The following FGF12 variants were observed in gnomAD, a reference collection of about 807,000 sequenced individuals.
FGF12 encodes the protein fibroblast growth factor 12B.
In FGF12, 14 loss-of-function variants were observed where a neutral mutation model predicts 23.6. That is an observed-to-expected ratio of 0.59 (90% CI 0.39 to 0.93). The LOEUF is 0.93. Ranked by LOEUF, FGF12 falls within the 40% of genes least tolerant of loss-of-function variation. The pLI is 0.00. For missense variants in FGF12, 175 were observed against 217.8 expected, an observed-to-expected ratio of 0.80 and a Z score of 1.24; for synonymous variants, 62 against 77.3, an observed-to-expected ratio of 0.80 and a Z score of 1.04.
At chr3:192,200,696 T>A (rs552152555) in intron 4 of FGF12, among the ~76,000 whole-genome samples, 1 of 152,176 alleles carries the variant, frequency 6.6e-6, no homozygotes, top group South Asian at 2.1e-4. Flanking sequence ...GGACAAGACA[T>A]ACTTGTCCTC....
At position 192,297,620 on chromosome 3, in the gene FGF12, A is replaced by G. The variant is rs185582330; in HGVS notation, c.228+37741T>C. Among the ~76,000 whole-genome samples the G allele has an allele frequency of 7.9e-5, 12 of 152,308 alleles. No individual in the cohort carries two copies. In the East Asian group the frequency reaches 2.3e-3, roughly 29 times the overall value. On this transcript the variant is annotated intron_variant, in intron 4 of 5. Coordinates refer to ENST00000445105, the MANE Select transcript of FGF12 (RefSeq NM_004113.6). ...ATTTATATAGGCCCTTCATTTGCAAAGTGCTTTAAAATAATTAATCCCCAG... is the reference window on the plus strand; with the variant it reads ...ATTTATATAGGCCCTTCATTTGCAAGGTGCTTTAAAATAATTAATCCCCAG...
chr3:192,147,423 T>C (rs1040105799), intron 5 of FGF12, among the ~76,000 whole-genome samples: 1 of 152,210 alleles, frequency 6.6e-6, no homozygotes, highest in African/African-American at 2.4e-5. Context: ...GCATTAACGC[T>C]TAATGACTGC....
intron 2 of FGF12, among the ~76,000 whole-genome samples, chr3:192,400,953 G>T (rs1720735596): frequency 2.0e-5 from 3 of 152,038 alleles, no homozygotes; most frequent in Admixed American, 2.0e-4. Flanking sequence ...TTTGTTTTCA[G>T]GATCCTTTAC....
Position 192,616,977 on chromosome 3 carries a change from C to G in FGF12, c.13+110204G>C, listed in dbSNP as rs1421242647. On this transcript the variant is annotated intron_variant, in intron 2 of 5. Transcript: ENST00000445105. ...AGGCATAAAAATGACCTTCAAATAC[C>G]TAAAGAACAGATACATGGAAGAGAG... is the stretch of plus-strand genomic sequence containing the variant. Among the ~76,000 whole-genome samples, 3 of 151,842 alleles carry G rather than the reference C, an allele frequency of 2.0e-5. No individual in the cohort carries two copies. The East Asian group carries it at 5.8e-4, about 29-fold the overall frequency.
chr3:192,457,210 A>G (rs1722707663), intron 2 of FGF12, among the ~76,000 whole-genome samples: 1 of 152,218 alleles, frequency 6.6e-6, no homozygotes, highest in African/African-American at 2.4e-5. Flanking sequence ...TGTCTTTATC[A>G]GCAGTGTGAA....
intron 2 of FGF12, among the ~76,000 whole-genome samples, chr3:192,486,465 CAA>C (rs1723637406): frequency 6.6e-6 from 1 of 151,960 alleles, no homozygotes; most frequent in South Asian, 2.1e-4. Flanking sequence ...CATGTAAAAA[CAA>C]AGAGTGAACA....
intron 5 of FGF12, among the ~76,000 whole-genome samples, chr3:192,163,572 A>C (rs1714993958): frequency 6.6e-6 from 1 of 152,150 alleles, no homozygotes; most frequent in Non-Finnish European, 1.5e-5. Flanking sequence ...TCTCAAACTC[A>C]ATGCCATCAG....
chr3:192,241,446 C>T (rs1057426090), intron 4 of FGF12, among the ~76,000 whole-genome samples: 14 of 151,846 alleles, frequency 9.2e-5, no homozygotes, highest in East Asian at 3.9e-4. Context: ...TGTAATTAAC[C>T]GAAATCAAGG....
intron 5 of FGF12, among the ~76,000 whole-genome samples, chr3:192,167,760 T>A (rs1715279011): frequency 3.1e-5 from 1 of 31,870 alleles, no homozygotes; most frequent in Admixed American, 3.6e-4. Flanking sequence ...TATATATATA[T>A]ATATATATAA....
intron 2 of FGF12, among the ~76,000 whole-genome samples, chr3:192,421,049 G>C (rs953548150): frequency 6.6e-6 from 1 of 152,024 alleles, no homozygotes; most frequent in Non-Finnish European, 1.5e-5. Flanking sequence ...GACGAGAATC[G>C]ACAGTGGCCA....
At chr3:192,633,757 C>A (rs1715482391) in intron 2 of FGF12, among the ~76,000 whole-genome samples, 3 of 152,158 alleles carry the variant, frequency 2.0e-5, no homozygotes, top group Admixed American at 2.0e-4. Flanking sequence ...AGGCTCAACT[C>A]CCTTCAGCCA....
chr3:192,439,772 C>T (rs1045759116), intron 2 of FGF12, among the ~76,000 whole-genome samples: 77 of 152,046 alleles, frequency 5.1e-4, no homozygotes, highest in African/African-American at 1.8e-3. Flanking sequence ...GTCAGGAGTT[C>T]AAGACCAGCC....
rs150901544 is a variant in FGF12, at chr3:192,294,092, C to T, written c.228+41269G>A. On this transcript the variant is annotated intron_variant, in intron 4 of 5. Coordinates refer to ENST00000445105, the MANE Select transcript of FGF12 (RefSeq NM_004113.6). ...ATCTGATGGTTTTATAAGGGGTTTC[C>T]GCTTTCACTTTTCTCTCATTCTCTC... 8.6e-3 allele frequency among the ~76,000 whole-genome samples: 1,304 copies of T among 152,192 alleles called. 24 individuals are homozygous for T. Among genetic ancestry groups the T allele is most frequent in the African/African-American group, 0.03 (1,229 of 41,520 alleles).
At chr3:192,638,905 C>T (rs866569369) in intron 2 of FGF12, among the ~76,000 whole-genome samples, 4 of 152,116 alleles carry the variant, frequency 2.6e-5, no homozygotes, top group African/African-American at 4.8e-5. Flanking sequence ...TAGAAACTTC[C>T]GAACCAAGGC....
intron 2 of FGF12, among the ~76,000 whole-genome samples, chr3:192,636,261 C>T (rs969162649): frequency 1.3e-5 from 2 of 152,164 alleles, no homozygotes; most frequent in African/African-American, 2.4e-5. Flanking sequence ...CTACCCTGTT[C>T]TATGTGGTAG....
chr3:192,416,185 G>A (rs939821585), intron 2 of FGF12, among the ~76,000 whole-genome samples: 2 of 152,128 alleles, frequency 1.3e-5, no homozygotes, highest in African/African-American at 4.8e-5. Context: ...GGTATCTGAT[G>A]TTGAGTAAGA....
intron 3 of FGF12, among the ~76,000 whole-genome samples, chr3:192,344,361 A>G (rs1055192891): frequency 6.6e-6 from 1 of 151,020 alleles, no homozygotes; most frequent in African/African-American, 2.5e-5. Context: ...ATGTTATGGG[A>G]GAAAAAAAAA....
intron 2 of FGF12, among the ~76,000 whole-genome samples, chr3:192,488,824 C>T (rs972359377): frequency 1.3e-5 from 2 of 152,146 alleles, no homozygotes; most frequent in South Asian, 4.1e-4. Context: ...ATACATACTT[C>T]GGCTTTGAAA....
At chr3:192,568,403 C>T (rs9844834) in intron 2 of FGF12, among the ~76,000 whole-genome samples, 95,093 of 151,872 alleles carry the variant, frequency 0.63, 30,475 homozygotes, top group African/African-American at 0.75. Flanking sequence ...GTTTAGTTGC[C>T]ATAGAGCAAT....
Sources: allele counts gnomAD v4.1 joint callset (sites outside exome capture counted in the v4.1 genomes callset), GRCh38; gene constraint gnomAD v4.1.1; transcripts MANE v1.5; gene names NCBI Gene and HGNC (gene_info 2026-07-23, HGNC 2026-07-21).